Variants in ZNF782 observed in about 807,000 individuals in gnomAD.
The protein encoded by ZNF782 is zinc finger protein 782.
In ZNF782, 12 loss-of-function variants were observed where a neutral mutation model predicts 13.0. That is an observed-to-expected ratio of 0.92 (90% confidence interval 0.59 to 1.50). The LOEUF is 1.50. Among genes scored for constraint, ZNF782 ranks in the 40% most tolerant of loss-of-function variants. ZNF782 has a pLI of 0.00. For synonymous variants in ZNF782, 284 were observed against 283.0 expected (o/e 1.00, Z -0.04); for missense variants, 770 against 822.9 (o/e 0.94, Z 0.79).
the ZNF782 span, chr9:96,891,209 G>A: frequency 6.6e-6 from 1 of 152,084 alleles, no homozygotes; most frequent in African/African-American, 2.4e-5. Context: ...GAATAAATGG[G>A]ATGTTTGCAC....
At chr9:96,844,641 A>C (rs550067143) in intron 4 of ZNF782, among the ~76,000 whole-genome samples, 2 of 152,150 alleles carry the variant, frequency 1.3e-5, no homozygotes, top group African/African-American at 4.8e-5. Context: ...GGGGGTGATA[A>C]AAATATTCCA....
the ZNF782 span, among the ~76,000 whole-genome samples, chr9:96,924,808 T>C: frequency 6.6e-6 from 1 of 152,248 alleles, no homozygotes; most frequent in African/African-American, 2.4e-5. Flanking sequence ...AGACAAACTT[T>C]GGGGTTCCCA....
chr9:96,839,660 A>ACCC (rs143194632), intron 4 of ZNF782, among the ~76,000 whole-genome samples: 28 of 149,562 alleles, frequency 1.9e-4, no homozygotes, highest in Admixed American at 8.7e-4. Flanking sequence ...CTAATCACTC[A>ACCC]CCCCCCCCAC....
intron 4 of ZNF782, among the ~76,000 whole-genome samples, chr9:96,831,249 T>C (rs1190550598): frequency 6.6e-6 from 1 of 152,210 alleles, no homozygotes; most frequent in East Asian, 1.9e-4. Context: ...GGTGACTGAA[T>C]AGTTCTGTTG....
chr9:96,867,020 T>C (rs1340279918), intron 1 of ZNF782, among the ~76,000 whole-genome samples: 2 of 152,242 alleles, frequency 1.3e-5, no homozygotes, highest in East Asian at 1.9e-4. Context: ...GGGACTTGCC[T>C]TGTCTCAGAT....
the ZNF782 span, chr9:96,889,300 C>G: frequency 6.6e-6 from 1 of 152,294 alleles, no homozygotes; most frequent in Non-Finnish European, 1.5e-5. Context: ...TTCACGCCAC[C>G]ATCTCTTTCT....
the ZNF782 span, among the ~76,000 whole-genome samples, chr9:96,900,811 T>C: frequency 6.6e-6 from 1 of 151,774 alleles, no homozygotes; most frequent in Non-Finnish European, 1.5e-5. Context: ...TTTTCACCCA[T>C]GATAGGCCAC....
upstream of ZNF782, among the ~76,000 whole-genome samples, chr9:96,878,476 C>G (rs1409049012): frequency 6.6e-6 from 1 of 152,244 alleles, no homozygotes; most frequent in African/African-American, 2.4e-5. Flanking sequence ...CAGCCCACCT[C>G]CCAAGTACGA....
chr9:96,827,785 C>A (rs1280297594), intron 4 of ZNF782, among the ~76,000 whole-genome samples: 2 of 152,118 alleles, frequency 1.3e-5, no homozygotes, highest in Non-Finnish European at 1.5e-5. Context: ...AACTAAAAAA[C>A]CAAACAAAAT....
At chr9:96,846,184 T>C (rs1186754196) in intron 3 of ZNF782, among the ~76,000 whole-genome samples, 1 of 152,114 alleles carries the variant, frequency 6.6e-6, no homozygotes, top group Non-Finnish European at 1.5e-5. Context: ...CTATGAGAAA[T>C]GCTAAAAAGA....
chr9:96,911,526 GTTTT>G, the ZNF782 span, among the ~76,000 whole-genome samples: 2 of 83,598 alleles, frequency 2.4e-5, no homozygotes, highest in African/African-American at 9.5e-5. Context: ...GTTTTGTTTT[GTTTT>G]TTTTTTTTGA....
At chr9:96,837,320 G>T (rs1851033048) in intron 4 of ZNF782, among the ~76,000 whole-genome samples, 1 of 152,060 alleles carries the variant, frequency 6.6e-6, no homozygotes, top group Non-Finnish European at 1.5e-5. Flanking sequence ...TTTCATTTAG[G>T]TTAATTTGTT....
At chr9:96,878,879 G>T (rs1180098011), upstream of ZNF782, among the ~76,000 whole-genome samples, 1 of 152,178 alleles carries the variant, frequency 6.6e-6, no homozygotes, top group African/African-American at 2.4e-5. Context: ...AAAGAGGCTT[G>T]TATCAGTTTA....
At chr9:96,835,306 G>C (rs754913683) in intron 4 of ZNF782, among the ~76,000 whole-genome samples, 1 of 152,204 alleles carries the variant, frequency 6.6e-6, no homozygotes, top group Non-Finnish European at 1.5e-5. Context: ...AGAAGGATTT[G>C]GAAAATTTGC....
chr9:96,911,918 C>T, the ZNF782 span, among the ~76,000 whole-genome samples: 6 of 151,892 alleles, frequency 4.0e-5, no homozygotes, highest in African/African-American at 9.7e-5. Context: ...TTAAAAAGGC[C>T]GGCTGGCATG....
the ZNF782 span, among the ~76,000 whole-genome samples, chr9:96,885,997 G>A: frequency 6.6e-6 from 1 of 152,032 alleles, no homozygotes; most frequent in Non-Finnish European, 1.5e-5. Flanking sequence ...ACAGGCACAT[G>A]CCACCATGCC....
chr9:96,892,297 T>C, the ZNF782 span: 1 of 152,202 alleles, frequency 6.6e-6, no homozygotes, highest in Middle Eastern at 3.2e-3. Flanking sequence ...AACAGATGAA[T>C]GGATAAACAA....
chr9:96,919,743 T>C, the ZNF782 span, among the ~76,000 whole-genome samples: 1 of 150,042 alleles, frequency 6.7e-6, no homozygotes, highest in Non-Finnish European at 1.5e-5. Flanking sequence ...TTTATATTTT[T>C]TGTAGAGACG....
the ZNF782 span, among the ~76,000 whole-genome samples, chr9:96,925,819 A>G: frequency 2.0e-5 from 3 of 149,274 alleles, no homozygotes; most frequent in South Asian, 2.1e-4. Flanking sequence ...AGAGACTGAC[A>G]GCTCTGCCAG....
Sources: gnomAD v4.1 joint callset for allele counts (sites outside exome capture counted in the v4.1 genomes callset) on GRCh38, gnomAD v4.1.1 for gene constraint, MANE v1.5 for transcripts, NCBI Gene and HGNC (gene_info 2026-07-23, HGNC 2026-07-21) for gene names.